KSR1: variants seen among roughly 807,000 people sequenced by gnomAD.
KSR1 encodes the protein kinase suppressor of ras.
KSR1 carries 35 observed loss-of-function variants against 92.9 expected under a neutral mutation model. That is an observed-to-expected ratio of 0.38 (90% CI 0.29 to 0.50). The LOEUF (loss-of-function observed/expected upper bound fraction) is 0.50. Ranked by LOEUF, KSR1 falls within the 20% of genes least tolerant of loss-of-function variation. KSR1 has a pLI of 0.94. For missense variants in KSR1, 972 were observed against 1,158.5 expected (o/e 0.84, Z 2.34); for synonymous variants, 467 against 472.6 (o/e 0.99, Z 0.15).
At chr17:27,566,146 C>T (rs889267070) in intron 2 of KSR1, among the ~76,000 whole-genome samples, 1 of 152,126 alleles carries the variant, frequency 6.6e-6, no homozygotes, top group East Asian at 1.9e-4. Context: ...CTTATTGACT[C>T]AGGTCCTACC....
At chr17:27,550,405 T>G (rs1046755063) in intron 1 of KSR1, among the ~76,000 whole-genome samples, 163 bp from the exon 2 acceptor site, 1 of 152,160 alleles carries the variant, frequency 6.6e-6, no homozygotes, top group Non-Finnish European at 1.5e-5. Flanking sequence ...TCCCAGACCC[T>G]TCTCCACCCT....
chr17:27,577,523 T>C lies in KSR1; in HGVS notation c.404T>C (p.Leu135Pro). ...CCCCGAGACCTCACGCTGGATGCCC[T>C]GCTGGAGATGAATGAGGCCAAGGTG... ...EIPRDLTLDA[L>P]LEMNEAKVKE... Residue 135 changes from leucine to proline, a missense_variant, in exon 3 of 21, where the codon CTG becomes CCG. Physicochemically the swap from Leu to Pro is moderately conservative, Grantham distance 98 (BLOSUM62 -3). Transcript: ENST00000644974. This position sits in a 1 kb window ranked among gnomAD's most constrained non-coding sequence, Gnocchi z 4.5. 1 of 1,600,570 alleles carries C rather than the reference T, an allele frequency of 6.2e-7. No homozygotes were observed. The highest frequency in any genetic ancestry group is 8.5e-7 in the Non-Finnish European group (1 of 1,176,522).
Position 27,590,837 on chromosome 17 carries a change from A to G in KSR1, c.1073A>G (p.Gln358Arg), listed in dbSNP as rs1447089060. Residue 358 changes from glutamine to arginine, a missense_variant, in exon 7 of 21, where the codon CAG (glutamine) becomes CGG (arginine). Gln to Arg is a conservative substitution (Grantham distance 43). Around this residue, in one of 5 missense-constraint regions of KSR1, gnomAD observed 611 missense variants for 668.0 expected, o/e 0.91. Transcript: ENST00000644974. ...HRFSTKSWLS[Q>R]VCHVCQKSMI... ...TTCTCCACCAAGTCCTGGCTGTCGC[A>G]GGTCTGCCACGTGTGCCAGAAGAGC... 6.2e-7 allele frequency: 1 copy of G among 1,611,596 alleles called. No homozygotes were observed. Among genetic ancestry groups the G allele is most frequent in the Non-Finnish European group, 8.5e-7 (1 of 1,179,018 alleles).
At chr17:27,578,839 C>G (rs537818586) in intron 3 of KSR1, 1 of 152,370 alleles carries the variant, frequency 6.6e-6, no homozygotes, top group African/African-American at 2.4e-5. Flanking sequence ...CTACTGTGTG[C>G]CAGGCGTGTG....
At chr17:27,512,742 A>G (rs2069644830) in intron 1 of KSR1, among the ~76,000 whole-genome samples, 1 of 152,210 alleles carries the variant, frequency 6.6e-6, no homozygotes, top group Non-Finnish European at 1.5e-5. Context: ...AAAAAGATGT[A>G]TTGAGAACCT....
intron 1 of KSR1, among the ~76,000 whole-genome samples, chr17:27,466,792 C>T (rs1165881403): frequency 1.3e-5 from 2 of 152,246 alleles, no homozygotes; most frequent in Non-Finnish European, 2.9e-5. Context: ...CAACGGAGGC[C>T]TGGGCCGGCT....
intron 1 of KSR1, among the ~76,000 whole-genome samples, chr17:27,493,011 G>A (rs1038971844): frequency 1.3e-5 from 2 of 152,172 alleles, no homozygotes; most frequent in African/African-American, 4.8e-5. Flanking sequence ...CTTTATAGAT[G>A]CCACTTCATA....
At chr17:27,512,314 G>A (rs1338244705) in intron 1 of KSR1, among the ~76,000 whole-genome samples, 1 of 152,220 alleles carries the variant, frequency 6.6e-6, no homozygotes, top group Non-Finnish European at 1.5e-5. Context: ...ATGAATTGCT[G>A]TACCCTTGCC....
chr17:27,513,818 C>T (rs965850746), intron 1 of KSR1, among the ~76,000 whole-genome samples: 5 of 152,204 alleles, frequency 3.3e-5, no homozygotes, highest in Non-Finnish European at 7.3e-5. Context: ...GGGTGTAGGG[C>T]TGTGTTGGGG....
At chr17:27,478,022 T>A (rs1324356605) in intron 1 of KSR1, among the ~76,000 whole-genome samples, 1 of 152,184 alleles carries the variant, frequency 6.6e-6, no homozygotes, top group African/African-American at 2.4e-5. Flanking sequence ...CTGGCCTTCC[T>A]GTTGTCTTTG....
In KSR1 at chr17:27,536,586, G is replaced by A. The variant is rs368613553; in HGVS notation, c.232-13982G>A. 1.9e-3 allele frequency among the ~76,000 whole-genome samples: 287 copies of A among 152,236 alleles called. 6 individuals carry two copies. The South Asian group carries it at 0.057, about 30-fold the overall frequency. ...CAAATCTGATCACGTTTTTCCCTTCGCTTCCCGCCCCATGCCTGCAAGATT... is the reference window on the plus strand; with the variant it reads ...CAAATCTGATCACGTTTTTCCCTTCACTTCCCGCCCCATGCCTGCAAGATT... On this transcript the variant is annotated intron_variant, in intron 1 of 20. Transcript: ENST00000644974.
intron 1 of KSR1, among the ~76,000 whole-genome samples, chr17:27,485,403 A>T (rs1003272142): frequency 6.6e-6 from 1 of 152,064 alleles, no homozygotes; most frequent in Non-Finnish European, 1.5e-5. Context: ...TGGAGTTCAG[A>T]TGGGTGGGGT....
At chr17:27,471,321 A>G (rs1485342203) in intron 1 of KSR1, among the ~76,000 whole-genome samples, 1 of 152,206 alleles carries the variant, frequency 6.6e-6, no homozygotes, top group African/African-American at 2.4e-5. Context: ...GTGCTCTCAG[A>G]AGAAAACTGG....
intron 16 of KSR1, chr17:27,609,836 T>G: frequency 2.2e-6 from 1 of 454,882 alleles, no homozygotes; most frequent in Non-Finnish European, 3.9e-6. Flanking sequence ...CCTGTCAATA[T>G]TTATCCATTC....
chr17:27,548,909 T>G (rs1269372842), intron 1 of KSR1, among the ~76,000 whole-genome samples: 1 of 152,106 alleles, frequency 6.6e-6, no homozygotes, highest in Admixed American at 6.5e-5. Flanking sequence ...GTTTTGGATT[T>G]TGGATTTTTT....
At chr17:27,617,741 T>C (rs2074104739) in intron 19 of KSR1, 3 of 335,354 alleles carry the variant, frequency 8.9e-6, no homozygotes, top group South Asian at 7.2e-5. Flanking sequence ...TTCGCCAGGC[T>C]GGTCTTGAAC....
intron 1 of KSR1, among the ~76,000 whole-genome samples, chr17:27,519,603 C>G (rs575576792): frequency 6.6e-6 from 1 of 152,186 alleles, no homozygotes; most frequent in Non-Finnish European, 1.5e-5. Context: ...CAGCTGTCCC[C>G]GTTCTCTGCA....
intron 1 of KSR1, among the ~76,000 whole-genome samples, chr17:27,488,507 G>A (rs1013578586): frequency 6.6e-6 from 1 of 151,978 alleles, no homozygotes; most frequent in Non-Finnish European, 1.5e-5. Context: ...TAATTTTTCT[G>A]GCTTCCAAGA....
At chr17:27,618,431 TA>T (rs1200106590) in intron 19 of KSR1, among the ~76,000 whole-genome samples, 1 of 152,190 alleles carries the variant, frequency 6.6e-6, no homozygotes, top group Non-Finnish European at 1.5e-5. Context: ...TCCACGGCAT[TA>T]AAAAGTCTCT....
Sources: allele counts gnomAD v4.1 joint callset (sites outside exome capture counted in the v4.1 genomes callset), GRCh38; gene constraint gnomAD v4.1.1; regional missense constraint gnomAD v4.1.1; non-coding constraint Gnocchi (gnomAD v3.1); transcripts MANE v1.5; gene names NCBI Gene and HGNC (gene_info 2026-07-23, HGNC 2026-07-21).